Variants in USH2A observed in about 807,000 individuals in gnomAD.
The protein encoded by USH2A is usherin, also known as Usher syndrome 2A (autosomal recessive, mild).
A neutral mutation model predicts 538.9 loss-of-function variants in USH2A; 443 were observed. That is an observed-to-expected ratio of 0.82 (90% CI 0.76 to 0.89). The LOEUF is 0.89. Ranked by LOEUF, USH2A falls within the 40% of genes least tolerant of loss-of-function variation. The pLI is 0.00. For missense variants in USH2A, 6,633 were observed against 6,324.8 expected, an observed-to-expected ratio of 1.05 and a Z score of -1.65; for synonymous variants, 2,413 against 2,273.5, an observed-to-expected ratio of 1.06 and a Z score of -1.75.
intron 32 of USH2A, among the ~76,000 whole-genome samples, chr1:216,041,456 C>T (rs759674781): frequency 1.3e-5 from 2 of 151,972 alleles, no homozygotes; most frequent in Non-Finnish European, 2.9e-5. Context: ...TTTGCTTGTG[C>T]CCCCCATGGC....
At chr1:216,297,769 T>C (rs532156765) in intron 9 of USH2A, among the ~76,000 whole-genome samples, 1 of 152,314 alleles carries the variant, frequency 6.6e-6, no homozygotes, top group South Asian at 2.1e-4. Context: ...TCTGGTTAAT[T>C]TGATCATCTG....
At chr1:216,038,296 C>G (rs912989630) in intron 32 of USH2A, among the ~76,000 whole-genome samples, 4 of 151,898 alleles carry the variant, frequency 2.6e-5, no homozygotes, top group Non-Finnish European at 4.4e-5. Context: ...GATATTTGTC[C>G]TTGCTTCAAT....
chr1:216,137,727 C>T (rs566265811), intron 21 of USH2A, among the ~76,000 whole-genome samples: 8 of 152,190 alleles, frequency 5.3e-5, no homozygotes, highest in South Asian at 4.2e-4. Context: ...GATTAAGGGT[C>T]GGTCTGGCTT....
chr1:216,023,459 C>CAAAAAAAAAAAAAAAACAA (rs1668887081), intron 32 of USH2A, among the ~76,000 whole-genome samples: 1 of 46,956 alleles, frequency 2.1e-5, no homozygotes, highest in East Asian at 7.8e-4. Context: ...TCAAAGCAGA[C>CAAAAAAAAAAAAAAAACAA]AAAAAAAAAA....
At chr1:216,041,684 T>G (rs2030282710) in intron 32 of USH2A, among the ~76,000 whole-genome samples, 1 of 152,016 alleles carries the variant, frequency 6.6e-6, no homozygotes, top group Admixed American at 6.6e-5. Flanking sequence ...AAAAACAGGA[T>G]AGCTCGTGGA....
rs187460996 is a variant in USH2A, at chr1:215,853,513, T to C, written c.8846-7480A>G. On this transcript the variant is annotated intron_variant, in intron 44 of 71. Coordinates refer to ENST00000307340, the MANE Select transcript of USH2A (RefSeq NM_206933.4). ...TCATTACTTAGGTAAATTATGTAAA[T>C]TTCTGCAGCTGTCTTGAATTTCTTT... Among the ~76,000 whole-genome samples the C allele has an allele frequency of 8.5e-4, 130 of 152,354 alleles. 1 individual carries two copies. Among genetic ancestry groups the C allele is most frequent in the African/African-American group, 3.0e-3 (124 of 41,584 alleles).
intron 32 of USH2A, among the ~76,000 whole-genome samples, chr1:216,033,238 A>G (rs1156632073): frequency 6.6e-6 from 1 of 152,222 alleles, no homozygotes; most frequent in Admixed American, 6.5e-5. Context: ...ATGCTAAGTG[A>G]ACAAGAAATA....
At position 215,853,766 on chromosome 1, in the gene USH2A, T is replaced by TAAAACATA. The variant is rs567755113; in HGVS notation, c.8846-7741_8846-7734dup. On this transcript the variant is annotated intron_variant, in intron 44 of 71. Coordinates refer to ENST00000307340, the MANE Select transcript of USH2A (RefSeq NM_206933.4). ...GGCAAAATGCTGCCAGTCTCTTTGC[T>TAAAACATA]AAAACATAACAAGAGTCACCTTTGT... is the stretch of plus-strand genomic sequence containing the variant. Among the ~76,000 whole-genome samples the TAAAACATA allele has an allele frequency of 2.0e-4, 30 of 152,338 alleles. No individual in the cohort carries two copies. The South Asian group carries it at 5.2e-3, about 26-fold the overall frequency.
chr1:216,068,936 T>C (rs971139845), intron 30 of USH2A, among the ~76,000 whole-genome samples: 10 of 152,114 alleles, frequency 6.6e-5, no homozygotes, highest in African/African-American at 9.7e-5. Context: ...TTCTATGGTG[T>C]CTAATATAAT....
intron 33 of USH2A, among the ~76,000 whole-genome samples, chr1:215,999,515 A>G (rs532183875): frequency 6.6e-6 from 1 of 152,318 alleles, no homozygotes; most frequent in South Asian, 2.1e-4. Flanking sequence ...TTCTTGAATG[A>G]AGTGACACAC....
chr1:216,022,029 CCTCT>C (rs147080639), intron 32 of USH2A, among the ~76,000 whole-genome samples: 4 of 151,242 alleles, frequency 2.6e-5, no homozygotes, highest in Non-Finnish European at 5.9e-5. Flanking sequence ...GACACTTCCT[CCTCT>C]CTCTCTCTCT....
chr1:216,116,167 CAAAT>C (rs547498854), intron 21 of USH2A, among the ~76,000 whole-genome samples: 66 of 151,946 alleles, frequency 4.3e-4, no homozygotes, highest in African/African-American at 1.4e-3. Context: ...TTTTATACCT[CAAAT>C]AAGATCCAGG....
intron 20 of USH2A, among the ~76,000 whole-genome samples, chr1:216,180,114 A>G (rs2034464894): frequency 6.6e-6 from 1 of 152,254 alleles, no homozygotes; most frequent in South Asian, 2.1e-4. Context: ...ATAAGGTGCT[A>G]TCATTACAAG....
chr1:215,723,942 A>C (rs1437988597), intron 61 of USH2A, among the ~76,000 whole-genome samples: 2 of 152,180 alleles, frequency 1.3e-5, no homozygotes. Context: ...GCATCTACCC[A>C]AAGGAAAATA....
At chr1:215,869,572 C>T (rs559894969) in intron 43 of USH2A, among the ~76,000 whole-genome samples, 2 of 152,214 alleles carry the variant, frequency 1.3e-5, no homozygotes, top group Non-Finnish European at 2.9e-5. Flanking sequence ...GGAATTGAAC[C>T]AGCGACCTTG....
At chr1:215,859,482 C>T (rs1009702156) in intron 44 of USH2A, among the ~76,000 whole-genome samples, 2 of 151,338 alleles carry the variant, frequency 1.3e-5, no homozygotes, top group Non-Finnish European at 2.9e-5. Flanking sequence ...TGCAGTGAGC[C>T]GAGATCACAC....
At position 216,084,692 on chromosome 1, in the gene USH2A, C is replaced by A; in HGVS notation, c.5167+6G>T. On this transcript the variant is annotated splice_donor_region_variant and intron_variant, in intron 25 of 71. Coordinates refer to ENST00000307340, the MANE Select transcript of USH2A (RefSeq NM_206933.4). ...GTGAACACTCATGTCTTTTTTAGAG[C>A]ATTACCTGCTCCTAGGAACTGAGCT... The A allele has an allele frequency of 6.2e-7, 1 of 1,612,550 alleles. No individual in the cohort carries two copies. The highest frequency in any genetic ancestry group is 8.5e-7 in the Non-Finnish European group (1 of 1,179,456).
intron 47 of USH2A, among the ~76,000 whole-genome samples, chr1:215,833,198 C>G (rs141544962): frequency 1.3e-5 from 2 of 151,924 alleles, no homozygotes; most frequent in Non-Finnish European, 2.9e-5. Flanking sequence ...TATCAATGAC[C>G]TGTTTCTGAA....
At chr1:215,977,588 C>A (rs1467193267) in intron 35 of USH2A, among the ~76,000 whole-genome samples, 3 of 152,090 alleles carry the variant, frequency 2.0e-5, no homozygotes, top group Non-Finnish European at 4.4e-5. Flanking sequence ...CTCACTGCAA[C>A]CTCCGCCTCC....
Sources: allele counts gnomAD v4.1 joint callset (sites outside exome capture counted in the v4.1 genomes callset), GRCh38; gene constraint gnomAD v4.1.1; transcripts MANE v1.5; gene names NCBI Gene and HGNC (gene_info 2026-07-23, HGNC 2026-07-21).